The following AXIN1 variants were observed in gnomAD, a reference collection of about 807,000 sequenced individuals.
AXIN1 encodes the protein axin-1.
Under a neutral mutation model 76.4 loss-of-function variants are expected in AXIN1, and 30 were observed. That is an observed-to-expected ratio of 0.39 (90% CI 0.29 to 0.53). The LOEUF is 0.53. AXIN1 is among the 20% of genes least tolerant of loss of function. AXIN1 has a pLI of 0.66. For missense variants in AXIN1, 1,140 were observed against 1,198.8 expected (o/e 0.95, Z 0.72); for synonymous variants, 545 against 501.4 (o/e 1.09, Z -1.16).
At chr16:326,592 CA>C (rs1328694394) in intron 2 of AXIN1, among the ~76,000 whole-genome samples, 1 of 146,574 alleles carries the variant, frequency 6.8e-6, no homozygotes, top group Non-Finnish European at 1.5e-5. Flanking sequence ...ACTAAAAATA[CA>C]AAAAATTAGC....
chr16:344,421 C>T (rs577510719), intron 2 of AXIN1, among the ~76,000 whole-genome samples: 3 of 124,762 alleles, frequency 2.4e-5, no homozygotes, highest in Admixed American at 7.8e-5. Context: ...TAGAGCAAGA[C>T]TCCATCTCAA....
At chr16:342,121 T>C (rs933881343) in intron 2 of AXIN1, among the ~76,000 whole-genome samples, 4 of 152,178 alleles carry the variant, frequency 2.6e-5, no homozygotes, top group African/African-American at 7.2e-5. Context: ...CTTTGTTCTT[T>C]CTCTCTTTCC....
At position 287,453 on chromosome 16, in the gene AXIN1, C is replaced by G. The variant is rs1365910922; in HGVS notation, c.*669G>C. The G allele has an allele frequency of 2.3e-5, 10 of 441,046 alleles. No individual in the cohort carries two copies. The highest frequency in any genetic ancestry group is 7.9e-5 in the African/African-American group (4 of 50,390). The allele number at this position is 441,046 out of a possible 1,614,324, so 27.3% of individuals were successfully genotyped here. On this transcript the variant is annotated 3_prime_UTR_variant, in exon 11 of 11. Coordinates refer to ENST00000262320, the MANE Select transcript of AXIN1 (RefSeq NM_003502.4). ...ACCACAGCCAGGGCAGGTTCAAAAACAGTTTTATTTCATTATTATCCAAGT... is the reference window on the plus strand; with the variant it reads ...ACCACAGCCAGGGCAGGTTCAAAAAGAGTTTTATTTCATTATTATCCAAGT...
At chr16:320,181 G>C (rs1293577980) in intron 2 of AXIN1, among the ~76,000 whole-genome samples, 2 of 152,042 alleles carry the variant, frequency 1.3e-5, no homozygotes, top group African/African-American at 2.4e-5. Flanking sequence ...CAGGTAGGTG[G>C]GACAACAGGC....
In AXIN1 at chr16:287,706, T is replaced by TTGAC. The variant is rs1467521780; in HGVS notation, c.*412_*415dup. The TTGAC allele has an allele frequency of 5.7e-6, 2 of 350,198 alleles. No individual in the cohort carries two copies. Among genetic ancestry groups the TTGAC allele is most frequent in the South Asian group, 3.8e-5 (1 of 26,646 alleles). The allele number at this position is 350,198 out of a possible 1,614,324, so 21.7% of individuals were successfully genotyped here. On this transcript the variant is annotated 3_prime_UTR_variant, in exon 11 of 11. Coordinates refer to ENST00000262320, the MANE Select transcript of AXIN1 (RefSeq NM_003502.4). ...TGAAGGCACTCGGTGGCGCGTACAA[T>TTGAC]TGACAGAGGCCCTGCAGGCCTCTGC...
intron 1 of AXIN1, among the ~76,000 whole-genome samples, chr16:349,360 G>C (rs1017988542): frequency 1.3e-5 from 2 of 152,140 alleles, no homozygotes; most frequent in Non-Finnish European, 2.9e-5. Flanking sequence ...CATCAGCATG[G>C]AGGGAGCACC....
At chr16:342,405 C>CGGCT (rs1567304901) in intron 2 of AXIN1, among the ~76,000 whole-genome samples, 1 of 152,160 alleles carries the variant, frequency 6.6e-6, no homozygotes, top group African/African-American at 2.4e-5. Flanking sequence ...GACGACTAAC[C>CGGCT]GGCTCTCCAC....
intron 7 of AXIN1, among the ~76,000 whole-genome samples, chr16:296,527 G>A (rs1002471930): frequency 1.6e-4 from 24 of 152,202 alleles, no homozygotes; most frequent in African/African-American, 4.6e-4. Flanking sequence ...CCGGCCCGGC[G>A]GGCAGCGGCA....
rs776173911 is a variant in AXIN1 at position 288,176 on chromosome 16, G to T, written c.2535C>A (p.Ala845=). ...TCTTCTCCTCAAAGACGGGCAGGACGGCCTCGTCCTCTCGAACCTCCTCAA... is the reference window on the plus strand; with the variant it reads ...TCTTCTCCTCAAAGACGGGCAGGACTGCCTCGTCCTCTCGAACCTCCTCAA... The part of the protein sequence containing the change: ...VVFEEVREDE[A]VLPVFEEKII... Residue 845 remains alanine, a synonymous_variant, in exon 11 of 11, where the codon GCC becomes GCA. Transcript: ENST00000262320. The T allele has an allele frequency of 6.2e-7, 1 of 1,613,666 alleles. No individual in the cohort carries two copies. Among genetic ancestry groups the T allele is most frequent in the Non-Finnish European group, 8.5e-7 (1 of 1,180,004 alleles).
At chr16:349,691 A>G (rs2054104205) in intron 1 of AXIN1, among the ~76,000 whole-genome samples, 1 of 152,262 alleles carries the variant, frequency 6.6e-6, no homozygotes, top group African/African-American at 2.4e-5. Context: ...GATGTAAAAA[A>G]GAAAAGACAT....
chr16:303,952 C>T (rs1344861658), intron 5 of AXIN1, among the ~76,000 whole-genome samples: 2 of 152,202 alleles, frequency 1.3e-5, no homozygotes, highest in African/African-American at 4.8e-5. Context: ...CACTTGCCAG[C>T]CACACGGGGT....
rs750345693 is a variant in AXIN1 at position 291,186 on chromosome 16, G to A, written c.2294+4C>T. ...GACCGGGAGGACCCTCAGGACGCAC[G>A]TACTCTGTCTCGGAGAGCTCCATGT... On this transcript the variant is annotated splice_donor_region_variant and intron_variant, in intron 9 of 10. Transcript: ENST00000262320. 1.5e-5 allele frequency: 23 copies of A among 1,576,444 alleles called. No homozygotes were observed. The highest frequency in any genetic ancestry group is 6.9e-5 in the South Asian group (6 of 86,468).
chr16:308,248 C>A (rs1043629189), intron 4 of AXIN1, among the ~76,000 whole-genome samples: 1 of 152,150 alleles, frequency 6.6e-6, no homozygotes, highest in Non-Finnish European at 1.5e-5. Flanking sequence ...AAGGTTCTGA[C>A]GACGACACCA....
chr16:289,714 G>T, intron 9 of AXIN1, 107 bp from the exon 10 acceptor site: 2 of 1,435,946 alleles, frequency 1.4e-6, no homozygotes, highest in East Asian at 2.4e-5. Context: ...GCCTGCAGGG[G>T]TGAGCAGCAC....
At chr16:340,168 G>A (rs565478522) in intron 2 of AXIN1, among the ~76,000 whole-genome samples, 2 of 152,248 alleles carry the variant, frequency 1.3e-5, no homozygotes, top group South Asian at 2.1e-4. Context: ...TGAACGGCAA[G>A]GGCTGGCTGC....
chr16:321,403 A>C (rs1032990808), intron 2 of AXIN1, among the ~76,000 whole-genome samples: 1 of 152,224 alleles, frequency 6.6e-6, no homozygotes, highest in African/African-American at 2.4e-5. Flanking sequence ...CCCCGCCAAG[A>C]CTTCTGTGTT....
intron 3 of AXIN1, among the ~76,000 whole-genome samples, chr16:311,815 C>T (rs1051511328): frequency 2.6e-5 from 4 of 152,162 alleles, no homozygotes; most frequent in Admixed American, 6.5e-5. Flanking sequence ...TTCGGAAGCA[C>T]GGCAGCTCCA....
chr16:325,430 C>T (rs192511077), intron 2 of AXIN1, among the ~76,000 whole-genome samples: 45 of 152,340 alleles, frequency 3.0e-4, no homozygotes, highest in African/African-American at 1.1e-3. Flanking sequence ...GGATGCACCA[C>T]GGTGTTTTTC....
In AXIN1 at chr16:293,257, G is replaced by C; in HGVS notation, c.2186+231C>G. 1 of 591,118 alleles carries C rather than the reference G, an allele frequency of 1.7e-6. No homozygotes were observed. The allele number at this position is 591,118 out of a possible 1,614,324, so 36.6% of individuals were successfully genotyped here. ...AGGGACCCCGCCTCCAGAGCAATGA[G>C]CGCGGCGGCCTCGGGTGTGTGAAAG... On this transcript the variant is annotated intron_variant, in intron 8 of 10. Transcript: ENST00000262320. The surrounding 1 kb of genome is among the most constrained non-coding windows in gnomAD (Gnocchi z 4.6).
Sources: gnomAD v4.1 joint callset for allele counts (sites outside exome capture counted in the v4.1 genomes callset) on GRCh38, gnomAD v4.1.1 for gene constraint, Gnocchi (gnomAD v3.1) non-coding constraint, MANE v1.5 for transcripts, NCBI Gene and HGNC (gene_info 2026-07-23, HGNC 2026-07-21) for gene names.